PALM2AKAP2: variants seen among roughly 807,000 people sequenced by gnomAD.
PALM2AKAP2 encodes the protein PALM2 and AKAP2 fusion, also known as PALM2-AKAP2 fusion protein.
A neutral mutation model predicts 71.5 loss-of-function variants in PALM2AKAP2; 37 were observed. The ratio of observed to expected loss-of-function variants is 0.52; its 90% confidence interval spans 0.40 to 0.68. The LOEUF (loss-of-function observed/expected upper bound fraction) is 0.68, where lower values mean the gene tolerates loss of function less well. Among genes scored for constraint, PALM2AKAP2 ranks in the 30% least tolerant of loss-of-function variants. The pLI is 0.00. For synonymous variants in PALM2AKAP2, 468 were observed against 478.8 expected (o/e 0.98, Z 0.29); for missense variants, 1,224 against 1,191.8 (o/e 1.03, Z -0.40).
At chr9:109,851,409 A>G (rs1363898007) in intron 1 of PALM2AKAP2, among the ~76,000 whole-genome samples, 2 of 152,128 alleles carry the variant, frequency 1.3e-5, no homozygotes, top group African/African-American at 4.8e-5. Context: ...GCATGTTAAG[A>G]ACTGGATGAG....
intron 6 of PALM2AKAP2, among the ~76,000 whole-genome samples, chr9:109,937,809 C>G (rs1207070477): frequency 6.6e-6 from 1 of 152,176 alleles, no homozygotes; most frequent in African/African-American, 2.4e-5. Context: ...TTCTGTATGT[C>G]CATGTATGTT....
intron 5 of PALM2AKAP2, among the ~76,000 whole-genome samples, chr9:109,928,213 C>T (rs922222360): frequency 2.0e-5 from 3 of 152,182 alleles, no homozygotes; most frequent in Non-Finnish European, 4.4e-5. Flanking sequence ...AGCCATTCTC[C>T]TGCCTCAGCC....
intron 1 of PALM2AKAP2, among the ~76,000 whole-genome samples, chr9:109,796,872 G>A (rs1827271929): frequency 6.6e-6 from 1 of 152,178 alleles, no homozygotes; most frequent in South Asian, 2.1e-4. Flanking sequence ...GATGAGATGT[G>A]GGTGGGGACA....
intron 6 of PALM2AKAP2, among the ~76,000 whole-genome samples, chr9:109,994,981 C>G (rs1265523439): frequency 6.6e-6 from 1 of 152,204 alleles, no homozygotes; most frequent in Non-Finnish European, 1.5e-5. Context: ...CACAGCATGT[C>G]TACAAGCCAC....
At chr9:109,999,904 C>G (rs1832649081) in intron 6 of PALM2AKAP2, among the ~76,000 whole-genome samples, 1 of 151,152 alleles carries the variant, frequency 6.6e-6, no homozygotes, top group Non-Finnish European at 1.5e-5. Flanking sequence ...GTGTACTTAG[C>G]TTACACAAAT....
At position 109,880,545 on chromosome 9, in the gene PALM2AKAP2, C is replaced by G; in HGVS notation, c.127-6C>G. 6.2e-7 allele frequency: 1 copy of G among 1,612,326 alleles called. No individual in the cohort carries two copies. ...TCTTGTCTGTTGTCTTCCCTCACTTCCACAGTCCAAAGTGCTTCGGGAGAA... is the reference window on the plus strand; with the variant it reads ...TCTTGTCTGTTGTCTTCCCTCACTTGCACAGTCCAAAGTGCTTCGGGAGAA... On this transcript the variant is annotated splice_polypyrimidine_tract_variant and splice_region_variant and intron_variant, in intron 2 of 9. Transcript: ENST00000302798.
At chr9:109,871,862 A>G (rs1829609138) in intron 2 of PALM2AKAP2, among the ~76,000 whole-genome samples, 1 of 152,160 alleles carries the variant, frequency 6.6e-6, no homozygotes, top group African/African-American at 2.4e-5. Context: ...CTCCATCTCA[A>G]ACTCTTAGCT....
At position 110,138,076 on chromosome 9, in the gene PALM2AKAP2, G is replaced by A. The variant is rs76059538; in HGVS notation, c.2106G>A (p.Ala702=). Residue 702 remains alanine, a synonymous_variant, in exon 2 of 4, where the codon GCG becomes GCA. Transcript: ENST00000374525. The stretch of plus-strand genomic sequence containing the variant: ...CGACTGTAGAGGAAGCTGAAGCTGC[G>A]GCTTTCGGCTCAGAAAAGCCTCAGA... 1.4e-4 allele frequency: 226 copies of A among 1,566,614 alleles called. 1 individual carries two copies. The highest frequency in any genetic ancestry group is 1.0e-3 in the South Asian group (93 of 89,530).
chr9:109,922,421 C>CA (rs398011831), intron 3 of PALM2AKAP2, among the ~76,000 whole-genome samples: 592 of 19,236 alleles, frequency 0.031, 192 homozygotes, highest in Middle Eastern at 0.077. Flanking sequence ...GACTCTATCT[C>CA]AAAAAAAAAA....
chr9:110,127,250 C>G (rs1473256669), intron 1 of PALM2AKAP2, among the ~76,000 whole-genome samples: 3 of 152,102 alleles, frequency 2.0e-5, no homozygotes, highest in African/African-American at 7.2e-5. Context: ...TGGAGGCAAA[C>G]CAAGAAGTGT....
intron 3 of PALM2AKAP2, among the ~76,000 whole-genome samples, chr9:109,883,817 G>C (rs1019776212): frequency 6.6e-6 from 1 of 152,192 alleles, no homozygotes; most frequent in Non-Finnish European, 1.5e-5. Flanking sequence ...GCTCACCTAC[G>C]TGACTCTAAT....
chr9:109,780,391 T>C (rs117457391), upstream of PALM2AKAP2: 1,243 of 1,607,044 alleles, frequency 7.7e-4, 16 homozygotes, highest in East Asian at 0.02. Flanking sequence ...TCTCCCGGGT[T>C]CTAGCAAAGC....
chr9:110,084,297 T>C (rs1035305425), intron 1 of PALM2AKAP2, among the ~76,000 whole-genome samples: 1 of 152,206 alleles, frequency 6.6e-6, no homozygotes, highest in African/African-American at 2.4e-5. Context: ...ATAATACTGA[T>C]CTTCAAAAGT....
intron 1 of PALM2AKAP2, among the ~76,000 whole-genome samples, chr9:109,667,739 G>T (rs968805151): frequency 6.6e-6 from 1 of 152,068 alleles, no homozygotes; most frequent in Non-Finnish European, 1.5e-5. Flanking sequence ...GTTGCAGTGA[G>T]CCAAGATGTT....
intron 1 of PALM2AKAP2, among the ~76,000 whole-genome samples, chr9:109,711,221 A>G (rs1828230604): frequency 6.6e-6 from 1 of 152,106 alleles, no homozygotes; most frequent in Admixed American, 6.5e-5. Context: ...TTAAAAGATT[A>G]TGGGTTCACA....
At chr9:110,046,381 GA>G (rs1389799521), upstream of PALM2AKAP2, among the ~76,000 whole-genome samples, 6 of 150,952 alleles carry the variant, frequency 4.0e-5, no homozygotes, top group East Asian at 1.2e-3. Flanking sequence ...GAATATTCTA[GA>G]ACTTTAAAAT....
chr9:110,111,322 G>A (rs1835247284), intron 1 of PALM2AKAP2, among the ~76,000 whole-genome samples: 1 of 151,536 alleles, frequency 6.6e-6, no homozygotes, highest in Non-Finnish European at 1.5e-5. Context: ...TGAGCTCCTG[G>A]CCTCAAGTAA....
chr9:109,874,249 G>A (rs572030443), intron 2 of PALM2AKAP2, among the ~76,000 whole-genome samples: 1 of 152,308 alleles, frequency 6.6e-6, no homozygotes, highest in Non-Finnish European at 1.5e-5. Flanking sequence ...CCCACCATTA[G>A]AGGAGCTGAA....
chr9:110,141,442 G>C (rs907603939), intron 2 of PALM2AKAP2, among the ~76,000 whole-genome samples: 7 of 152,152 alleles, frequency 4.6e-5, no homozygotes, highest in African/African-American at 1.7e-4. Context: ...CAGGCACCCG[G>C]GCTTCCCAGA....
Sources: allele counts gnomAD v4.1 joint callset (sites outside exome capture counted in the v4.1 genomes callset), GRCh38; gene constraint gnomAD v4.1.1; transcripts MANE v1.5; gene names NCBI Gene and HGNC (gene_info 2026-07-23, HGNC 2026-07-21).